The following PCDHGA3 variants were observed in gnomAD, a reference collection of about 807,000 sequenced individuals.
The protein encoded by PCDHGA3 is protocadherin gamma subfamily A, 3, also known as protocadherin gamma-A3.
PCDHGA3 carries 40 observed loss-of-function variants against 58.5 expected under a neutral mutation model. The observed-to-expected ratio is 0.68, with a 90% CI of 0.53 to 0.89. The LOEUF is 0.89. Among genes scored for constraint, PCDHGA3 ranks in the 40% least tolerant of loss-of-function variants. The pLI, the probability that PCDHGA3 is intolerant of heterozygous loss-of-function variation, is 0.00. For missense variants in PCDHGA3, 1,223 were observed against 1,195.9 expected, an observed-to-expected ratio of 1.02 and a Z score of -0.33; for synonymous variants, 530 against 525.7, an observed-to-expected ratio of 1.01 and a Z score of -0.11.
chr5:141,356,640 C>A (rs758426819), intron 1 of PCDHGA3: 1 of 1,614,164 alleles, frequency 6.2e-7, no homozygotes, highest in Non-Finnish European at 8.5e-7. Flanking sequence ...AAGACCCTGA[C>A]AGTGGTGACA....
intron 1 of PCDHGA3, chr5:141,403,720 C>G (rs1266419119): frequency 1.2e-6 from 2 of 1,613,874 alleles, no homozygotes; most frequent in Middle Eastern, 1.6e-4. Context: ...AGAACGTGCC[C>G]CCAGGCACCT....
chr5:141,370,376 C>T, intron 1 of PCDHGA3: 1 of 1,527,960 alleles, frequency 6.5e-7, no homozygotes, highest in Non-Finnish European at 8.8e-7. Flanking sequence ...TTTAGAAAGG[C>T]AAAGGCGCAG....
At chr5:141,454,249 C>T (rs1215688507) in intron 1 of PCDHGA3, among the ~76,000 whole-genome samples, 3 of 152,192 alleles carry the variant, frequency 2.0e-5, no homozygotes, top group Non-Finnish European at 4.4e-5. Context: ...ATGAAGATGT[C>T]CCAGAGAAAG....
intron 1 of PCDHGA3, chr5:141,357,581 C>G: frequency 6.2e-7 from 1 of 1,614,192 alleles, no homozygotes. Flanking sequence ...CTTCTGATAA[C>G]TCAGGATTTA....
chr5:141,389,875 A>G (rs753159908), intron 1 of PCDHGA3: 2 of 1,613,946 alleles, frequency 1.2e-6, no homozygotes, highest in African/African-American at 2.7e-5. Flanking sequence ...GTCTTCGCCG[A>G]CAGCTTGCAG....
At chr5:141,371,264 A>C in intron 1 of PCDHGA3, 1 of 1,614,064 alleles carries the variant, frequency 6.2e-7, no homozygotes, top group South Asian at 1.1e-5. Context: ...AAGTGAGACA[A>C]CTGTTCAAGC....
chr5:141,361,454 T>A (rs780424534), intron 1 of PCDHGA3: 2 of 1,614,026 alleles, frequency 1.2e-6, no homozygotes, highest in Non-Finnish European at 1.7e-6. Flanking sequence ...ATTGTCACCC[T>A]GCACATCTCC....
rs200491568 is a variant in PCDHGA3, at chr5:141,493,146, G to A, written c.2425-1661G>A. 9.6e-6 allele frequency among the ~76,000 whole-genome samples: 1 copy of A among 104,172 alleles called. No homozygotes were observed. The highest frequency in any genetic ancestry group is 3.1e-5 in the African/African-American group (1 of 32,680). 68.3% of individuals were successfully genotyped at this position (104,172 alleles called of 152,430 possible). A position where few individuals can be genotyped will look rare whatever the true frequency, so the allele number is the denominator to read the frequency against. On this transcript the variant is annotated intron_variant, in intron 1 of 3. Transcript: ENST00000253812. The surrounding 1 kb of genome is among the most constrained non-coding windows in gnomAD (Gnocchi z 4.3). ...AGGACTGTATTTTGAAACACCCCCA[G>A]GTGATTTTGATAGCTGATTGAGAGA... is the stretch of plus-strand genomic sequence containing the variant.
intron 1 of PCDHGA3, chr5:141,417,960 G>T (rs2096199953): frequency 1.2e-6 from 2 of 1,613,624 alleles, no homozygotes; most frequent in African/African-American, 1.3e-5. Context: ...GAGCCGATCC[G>T]CTACTCGATT....
chr5:141,496,992 C>T (rs1055856428), intron 2 of PCDHGA3, among the ~76,000 whole-genome samples: 2 of 151,918 alleles, frequency 1.3e-5, no homozygotes, highest in African/African-American at 2.4e-5. Context: ...TTGAGACCAG[C>T]CTGGCAGCCA....
chr5:141,385,518 A>G, intron 1 of PCDHGA3: 20 of 1,366,294 alleles, frequency 1.5e-5, no homozygotes, highest in East Asian at 5.4e-5. Context: ...GTGAAAGCCT[A>G]TGGACAAGAT....
chr5:141,397,047 G>A (rs180929307), intron 1 of PCDHGA3, among the ~76,000 whole-genome samples: 130 of 152,158 alleles, frequency 8.5e-4, no homozygotes, highest in African/African-American at 2.9e-3. Context: ...TTATGTAAAT[G>A]AACTTATGAG....
chr5:141,415,536 G>A (rs1561758201), intron 1 of PCDHGA3: 1 of 1,614,150 alleles, frequency 6.2e-7, no homozygotes, highest in Non-Finnish European at 8.5e-7. Flanking sequence ...TCAGCCAGGA[G>A]AGCTGTGAGA....
At chr5:141,363,356 T>C (rs1167881605) in intron 1 of PCDHGA3, among the ~76,000 whole-genome samples, 3 of 152,250 alleles carry the variant, frequency 2.0e-5, no homozygotes, top group Non-Finnish European at 4.4e-5. Context: ...GAAATGTCCA[T>C]TTTTTTCAAT....
chr5:141,402,789 T>C (rs1047869740), intron 1 of PCDHGA3: 2 of 952,520 alleles, frequency 2.1e-6, no homozygotes, highest in South Asian at 4.2e-5. Context: ...GTTCTGCGGC[T>C]ACACAAAACC....
chr5:141,383,287 G>A (rs753501762), intron 1 of PCDHGA3: 2 of 1,613,798 alleles, frequency 1.2e-6, no homozygotes, highest in South Asian at 2.2e-5. Context: ...TAATGACAAC[G>A]TTCCAAGATT....
At chr5:141,352,975 G>A (rs1463043054) in intron 1 of PCDHGA3, among the ~76,000 whole-genome samples, 11 of 152,080 alleles carry the variant, frequency 7.2e-5, no homozygotes, top group Admixed American at 7.2e-4. Context: ...GTGATGGGAG[G>A]GAAACTGTCT....
intron 1 of PCDHGA3, among the ~76,000 whole-genome samples, chr5:141,386,755 G>A (rs72790029): frequency 0.064 from 9,806 of 152,198 alleles, 370 homozygotes; most frequent in African/African-American, 0.1. Context: ...GCAGAACTAC[G>A]GTTATAAGGT....
chr5:141,362,449 C>T (rs762665729), intron 1 of PCDHGA3: 2 of 1,614,006 alleles, frequency 1.2e-6, no homozygotes, highest in Non-Finnish European at 1.7e-6. Flanking sequence ...GAACATAACC[C>T]CGGAATTGGT....
Sources: allele counts gnomAD v4.1 joint callset (sites outside exome capture counted in the v4.1 genomes callset), GRCh38; gene constraint gnomAD v4.1.1; non-coding constraint Gnocchi (gnomAD v3.1); transcripts MANE v1.5; gene names NCBI Gene and HGNC (gene_info 2026-07-23, HGNC 2026-07-21).